The following CFAP299 variants were observed in gnomAD, a reference collection of about 807,000 sequenced individuals.
CFAP299 encodes cilia and flagella associated protein 299, also known as cilia- and flagella-associated protein 299.
Under a neutral mutation model 27.0 loss-of-function variants are expected in CFAP299, and 21 were observed. That is an observed-to-expected ratio of 0.78 (90% CI 0.55 to 1.12). The LOEUF (loss-of-function observed/expected upper bound fraction) is 1.12. Ranked by LOEUF, CFAP299 falls within the 50% of genes most tolerant of loss-of-function variation. The pLI, the probability that CFAP299 is intolerant of heterozygous loss-of-function variation, is 0.00. For synonymous variants in CFAP299, 104 were observed against 98.1 expected, an observed-to-expected ratio of 1.06 and a Z score of -0.36; for missense variants, 310 against 276.6, an observed-to-expected ratio of 1.12 and a Z score of -0.86.
intron 3 of CFAP299, among the ~76,000 whole-genome samples, chr4:80,661,586 C>A (rs1305328178): frequency 1.3e-5 from 2 of 152,170 alleles, no homozygotes; most frequent in East Asian, 1.9e-4. Context: ...ATCTCTTAAT[C>A]TCATCATCTT....
At chr4:80,481,159 A>C (rs1730546597) in intron 2 of CFAP299, among the ~76,000 whole-genome samples, 1 of 152,042 alleles carries the variant, frequency 6.6e-6, no homozygotes, top group Non-Finnish European at 1.5e-5. Context: ...TATGGATTTT[A>C]GGTCTGAGCA....
intron 2 of CFAP299, among the ~76,000 whole-genome samples, chr4:80,399,861 G>A (rs1341075546): frequency 6.6e-6 from 1 of 152,026 alleles, no homozygotes; most frequent in Non-Finnish European, 1.5e-5. Context: ...TTTAAATGTT[G>A]TGACCATTTT....
chr4:80,793,959 A>G (rs1369637892), intron 3 of CFAP299, among the ~76,000 whole-genome samples: 1 of 152,044 alleles, frequency 6.6e-6, no homozygotes, highest in Non-Finnish European at 1.5e-5. Flanking sequence ...AATGACCCAA[A>G]CCTTCATTCC....
At chr4:80,345,064 A>G (rs978988458) in intron 1 of CFAP299, among the ~76,000 whole-genome samples, 1 of 152,202 alleles carries the variant, frequency 6.6e-6, no homozygotes, top group African/African-American at 2.4e-5. Context: ...AGTATTCCCC[A>G]TGAAAACTGG....
At chr4:80,558,903 C>T (rs13118598) in intron 2 of CFAP299, among the ~76,000 whole-genome samples, 18,956 of 151,996 alleles carry the variant, frequency 0.12, 1,427 homozygotes, top group South Asian at 0.23. Flanking sequence ...AGACAAGAAA[C>T]GGTATAATAC....
At chr4:80,797,638 T>C (rs1402311077) in intron 3 of CFAP299, among the ~76,000 whole-genome samples, 1 of 152,158 alleles carries the variant, frequency 6.6e-6, no homozygotes, top group Non-Finnish European at 1.5e-5. Context: ...TGAGTGACTG[T>C]GGTTCCCACT....
intron 2 of CFAP299, among the ~76,000 whole-genome samples, chr4:80,441,457 G>A (rs1448349743): frequency 6.6e-6 from 1 of 152,186 alleles, no homozygotes; most frequent in Non-Finnish European, 1.5e-5. Flanking sequence ...GCCAAACTAA[G>A]CTTCATAATT....
chr4:80,488,727 T>C (rs1236802728), intron 2 of CFAP299, among the ~76,000 whole-genome samples: 9 of 152,154 alleles, frequency 5.9e-5, no homozygotes, highest in Admixed American at 3.9e-4. Flanking sequence ...CCGCCCACCT[T>C]GGCCTCCCAA....
intron 5 of CFAP299, among the ~76,000 whole-genome samples, chr4:80,961,171 T>C (rs1233944353): frequency 3.3e-5 from 5 of 151,736 alleles, no homozygotes; most frequent in African/African-American, 1.2e-4. Flanking sequence ...TATAAATTTA[T>C]AGTTTTCATT....
At chr4:80,669,064 T>C (rs1244696888) in intron 3 of CFAP299, among the ~76,000 whole-genome samples, 3 of 151,428 alleles carry the variant, frequency 2.0e-5, no homozygotes, top group Admixed American at 6.6e-5. Flanking sequence ...AGGTATTTTA[T>C]ATTCTTTGTA....
chr4:80,364,428 C>T (rs901431396), intron 2 of CFAP299, among the ~76,000 whole-genome samples: 1 of 152,136 alleles, frequency 6.6e-6, no homozygotes. Context: ...TCAGATTTCT[C>T]CAACTTCCTC....
intron 3 of CFAP299, among the ~76,000 whole-genome samples, chr4:80,850,273 G>T (rs919173362): frequency 6.6e-6 from 1 of 151,816 alleles, no homozygotes; most frequent in South Asian, 2.1e-4. Flanking sequence ...TGGTTTGAGA[G>T]TGGAAAAGAT....
At chr4:80,812,286 C>T (rs561918369) in intron 3 of CFAP299, among the ~76,000 whole-genome samples, 2 of 152,062 alleles carry the variant, frequency 1.3e-5, no homozygotes, top group Non-Finnish European at 2.9e-5. Flanking sequence ...GTCCCTGCCT[C>T]CCATGAGACT....
chr4:80,379,258 G>A (rs1012186896), intron 2 of CFAP299, among the ~76,000 whole-genome samples: 1 of 151,952 alleles, frequency 6.6e-6, no homozygotes, highest in Non-Finnish European at 1.5e-5. Context: ...AATATATGTA[G>A]TAGAAAGTGT....
intron 2 of CFAP299, among the ~76,000 whole-genome samples, chr4:80,405,144 C>A (rs529096542): frequency 6.6e-6 from 1 of 152,282 alleles, no homozygotes; most frequent in East Asian, 1.9e-4. Context: ...GATCTCATTT[C>A]TTTGCACCTG....
At chr4:80,391,119 A>G (rs963204615) in intron 2 of CFAP299, among the ~76,000 whole-genome samples, 1 of 151,892 alleles carries the variant, frequency 6.6e-6, no homozygotes, top group Non-Finnish European at 1.5e-5. Context: ...TTATGCATTC[A>G]TCTATTGATG....
At chr4:80,634,605 G>C (rs1210499871) in intron 3 of CFAP299, among the ~76,000 whole-genome samples, 1 of 151,950 alleles carries the variant, frequency 6.6e-6, no homozygotes, top group Non-Finnish European at 1.5e-5. Flanking sequence ...TTCTACCTTG[G>C]CTGCAATTAT....
intron 3 of CFAP299, among the ~76,000 whole-genome samples, chr4:80,723,557 G>T (rs1467981388): frequency 6.6e-6 from 1 of 152,110 alleles, no homozygotes; most frequent in East Asian, 1.9e-4. Context: ...ATCTGTGGTT[G>T]TCTCAGGATA....
At chr4:80,685,458 G>C (rs918864828) in intron 3 of CFAP299, among the ~76,000 whole-genome samples, 2 of 152,092 alleles carry the variant, frequency 1.3e-5, no homozygotes, top group Non-Finnish European at 2.9e-5. Flanking sequence ...ACACACATCT[G>C]ATAAGGGAAG....
Sources: gnomAD v4.1 joint callset for allele counts (sites outside exome capture counted in the v4.1 genomes callset) on GRCh38, gnomAD v4.1.1 for gene constraint, MANE v1.5 for transcripts, NCBI Gene and HGNC (gene_info 2026-07-23, HGNC 2026-07-21) for gene names.